Variants in MDFIC2 observed in about 807,000 individuals in gnomAD.
MDFIC2 encodes myoD family inhibitor domain-containing protein 2.
chr3:70,294,270 A>G (rs574866168), intron 2 of MDFIC2, among the ~76,000 whole-genome samples: 3,025 of 152,242 alleles, frequency 0.02, 35 homozygotes, highest in Non-Finnish European at 0.03. Context: ...TTTATAAAAC[A>G]TTTTCTTTTT....
intron 3 of MDFIC2, among the ~76,000 whole-genome samples, chr3:70,201,363 C>T (rs1701236138): frequency 6.6e-6 from 1 of 152,164 alleles, no homozygotes; most frequent in Admixed American, 6.5e-5. Context: ...CAAGTTCCTG[C>T]AAAGGACATG....
intron 2 of MDFIC2, among the ~76,000 whole-genome samples, chr3:70,262,114 G>A (rs962436612): frequency 2.0e-5 from 3 of 152,084 alleles, no homozygotes; most frequent in African/African-American, 7.2e-5. Flanking sequence ...CGACAGTATT[G>A]CCTTCTATGT....
chr3:70,247,486 A>G (rs1400387462), intron 2 of MDFIC2, among the ~76,000 whole-genome samples: 1 of 151,768 alleles, frequency 6.6e-6, no homozygotes, highest in Non-Finnish European at 1.5e-5. Context: ...TATCTATTAT[A>G]TGAATTAGTT....
intron 2 of MDFIC2, among the ~76,000 whole-genome samples, chr3:70,258,248 A>G (rs533422140): frequency 5.9e-5 from 9 of 152,286 alleles, no homozygotes; most frequent in African/African-American, 2.2e-4. Flanking sequence ...AATTTCTTAG[A>G]TCAGACACCA....
intron 2 of MDFIC2, among the ~76,000 whole-genome samples, chr3:70,234,409 G>A (rs975518443): frequency 1.3e-5 from 2 of 152,096 alleles, no homozygotes; most frequent in African/African-American, 4.8e-5. Flanking sequence ...AGCACTTTGG[G>A]AAGCTGAGGT....
At chr3:70,230,005 T>C (rs1283633500) in intron 2 of MDFIC2, among the ~76,000 whole-genome samples, 2 of 152,186 alleles carry the variant, frequency 1.3e-5, no homozygotes, top group African/African-American at 4.8e-5. Flanking sequence ...TAATATATTA[T>C]TATCTAATTT....
intron 2 of MDFIC2, among the ~76,000 whole-genome samples, chr3:70,286,634 G>A (rs1404272207): frequency 6.6e-6 from 1 of 151,876 alleles, no homozygotes; most frequent in Admixed American, 6.6e-5. Context: ...CATTGAATCT[G>A]TAAATTACCT....
At chr3:70,285,737 A>G in intron 2 of MDFIC2, among the ~76,000 whole-genome samples, 1 of 151,474 alleles carries the variant, frequency 6.6e-6, no homozygotes, top group Non-Finnish European at 1.5e-5. Flanking sequence ...CTGACTTTTT[A>G]ATGATTGCCA....
At chr3:70,294,460 A>G (rs774939197) in intron 2 of MDFIC2, among the ~76,000 whole-genome samples, 1 of 152,168 alleles carries the variant, frequency 6.6e-6, no homozygotes, top group Non-Finnish European at 1.5e-5. Flanking sequence ...ATTCCCTGAC[A>G]GTTTCAAAAA....
intron 2 of MDFIC2, among the ~76,000 whole-genome samples, chr3:70,267,276 A>G (rs1174220069): frequency 1.3e-5 from 2 of 151,768 alleles, no homozygotes; most frequent in African/African-American, 4.8e-5. Flanking sequence ...AAATCTTAAT[A>G]TTGTGAAGGT....
At chr3:70,286,293 C>T (rs965442574) in intron 2 of MDFIC2, among the ~76,000 whole-genome samples, 73 of 152,134 alleles carry the variant, frequency 4.8e-4, no homozygotes, top group Non-Finnish European at 9.4e-4. Flanking sequence ...CCAGTTTTCC[C>T]AGCACCGTTT....
chr3:70,271,183 G>A (rs6549318), intron 2 of MDFIC2, among the ~76,000 whole-genome samples: 48,864 of 151,932 alleles, frequency 0.32, 8,250 homozygotes, highest in East Asian at 0.49. Context: ...AATGACTTTT[G>A]CACCAACCTA....
At chr3:70,264,345 T>C (rs1701895835) in intron 2 of MDFIC2, among the ~76,000 whole-genome samples, 1 of 152,224 alleles carries the variant, frequency 6.6e-6, no homozygotes, top group African/African-American at 2.4e-5. Context: ...TTTAGAAATC[T>C]GCTCTTGTTT....
At chr3:70,286,822 T>C (rs1369062498) in intron 2 of MDFIC2, among the ~76,000 whole-genome samples, 1 of 152,210 alleles carries the variant, frequency 6.6e-6, no homozygotes, top group Non-Finnish European at 1.5e-5. Context: ...TTTGAAGCAA[T>C]TGCGAATGAG....
chr3:70,237,964 C>T (rs1575603958), intron 2 of MDFIC2, among the ~76,000 whole-genome samples: 1 of 99,608 alleles, frequency 1.0e-5, no homozygotes, highest in African/African-American at 4.6e-5. Flanking sequence ...GGAAAAGAAA[C>T]TAATTGAGTG....
intron 2 of MDFIC2, among the ~76,000 whole-genome samples, chr3:70,279,603 A>G (rs1422236016): frequency 2.6e-5 from 4 of 152,144 alleles, no homozygotes; most frequent in Non-Finnish European, 4.4e-5. Flanking sequence ...ATCTGGGTTG[A>G]AGGCTCAGAT....
At chr3:70,252,758 A>G (rs926558795) in intron 2 of MDFIC2, among the ~76,000 whole-genome samples, 1 of 152,160 alleles carries the variant, frequency 6.6e-6, no homozygotes, top group Non-Finnish European at 1.5e-5. Flanking sequence ...ACATCAGTGA[A>G]CAAAACAAAC....
chr3:70,210,934 AT>A (rs1225273325), intron 2 of MDFIC2, among the ~76,000 whole-genome samples: 7 of 152,138 alleles, frequency 4.6e-5, no homozygotes, highest in African/African-American at 7.2e-5. Context: ...ATTAACATTT[AT>A]TGAGTACCCA....
At chr3:70,246,737 G>A (rs2106646823) in intron 2 of MDFIC2, among the ~76,000 whole-genome samples, 1 of 152,008 alleles carries the variant, frequency 6.6e-6, no homozygotes, top group Admixed American at 6.6e-5. Flanking sequence ...AACTACGAAA[G>A]CAAGACTTTG....
Sources: allele counts gnomAD v4.1 joint callset (sites outside exome capture counted in the v4.1 genomes callset), GRCh38; gene constraint gnomAD v4.1.1; transcripts MANE v1.5; gene names NCBI Gene and HGNC (gene_info 2026-07-23, HGNC 2026-07-21).